The following ALPK2 variants were observed in gnomAD, a reference collection of about 807,000 sequenced individuals.
The protein encoded by ALPK2 is alpha kinase 2.
A neutral mutation model predicts 163.1 loss-of-function variants in ALPK2; 127 were observed. That is an observed-to-expected ratio of 0.78 (90% CI 0.67 to 0.90). ALPK2 has a LOEUF of 0.90. ALPK2 is among the 40% of genes least tolerant of loss of function. The pLI is 0.00. For synonymous variants in ALPK2, 953 were observed against 959.1 expected (o/e 0.99, Z 0.12); for missense variants, 2,360 against 2,589.6 (o/e 0.91, Z 1.92).
rs377347769 is a variant in ALPK2 at position 58,580,167 on chromosome 18, A to G, written c.609T>C (p.Tyr203=). The G allele has an allele frequency of 2.4e-5, 39 of 1,614,270 alleles. No individual in the cohort carries two copies. The highest frequency in any genetic ancestry group is 3.3e-4 in the Middle Eastern group (2 of 6,062). Residue 203 remains tyrosine (Y), a synonymous_variant, in exon 4 of 13, where the codon TAT becomes TAC. Coordinates refer to ENST00000361673, the MANE Select transcript of ALPK2 (RefSeq NM_052947.4). ...CAATTTCTTCTGTGTTACTTGGATCATAAGCCTCTCCAGTGTGCCTTGTTC... is the reference window on the plus strand; with the variant it reads ...CAATTTCTTCTGTGTTACTTGGATCGTAAGCCTCTCCAGTGTGCCTTGTTC... ...VKGTRHTGEA[Y]DPSNTEEIAN... is the part of the protein sequence containing the mutation.
chr18:58,546,768 A>C (rs1481023289), intron 4 of ALPK2, among the ~76,000 whole-genome samples: 1 of 152,164 alleles, frequency 6.6e-6, no homozygotes, highest in Non-Finnish European at 1.5e-5. Flanking sequence ...GTTTTCCTGC[A>C]TAGATGATGG....
intron 8 of ALPK2, among the ~76,000 whole-genome samples, chr18:58,521,207 A>T (rs561392662): frequency 3.7e-4 from 56 of 152,338 alleles, no homozygotes; most frequent in Non-Finnish European, 6.5e-4. Flanking sequence ...TCACTGGGCT[A>T]TAGCGGTGGT....
intron 4 of ALPK2, among the ~76,000 whole-genome samples, chr18:58,569,135 G>C (rs2051871972): frequency 6.6e-6 from 1 of 152,144 alleles, no homozygotes; most frequent in Admixed American, 6.5e-5. Flanking sequence ...GATCACCTGA[G>C]GTCCAGGCTG....
intron 4 of ALPK2, chr18:58,544,508 C>T (rs1221349237): frequency 6.6e-6 from 1 of 152,096 alleles, no homozygotes; most frequent in Non-Finnish European, 1.5e-5. Context: ...GCTTATAATC[C>T]AGTTGAAGAG....
chr18:58,509,285 G>A (rs980815849), intron 10 of ALPK2, among the ~76,000 whole-genome samples: 10 of 151,976 alleles, frequency 6.6e-5, no homozygotes, highest in Admixed American at 2.6e-4. Flanking sequence ...GTCTATCATC[G>A]TTGGACATTT....
chr18:58,604,657 A>G (rs967966543), intron 3 of ALPK2, among the ~76,000 whole-genome samples: 27 of 152,224 alleles, frequency 1.8e-4, no homozygotes, highest in African/African-American at 6.5e-4. Context: ...GGCTCTACCA[A>G]CATTTCTTGC....
At chr18:58,514,444 C>T (rs1051913033) in intron 10 of ALPK2, among the ~76,000 whole-genome samples, 1 of 152,126 alleles carries the variant, frequency 6.6e-6, no homozygotes, top group African/African-American at 2.4e-5. Flanking sequence ...TCCAGGCTCC[C>T]CAAAATTTGC....
At chr18:58,512,744 G>GTAT (rs2051497392) in intron 10 of ALPK2, among the ~76,000 whole-genome samples, 1 of 66,116 alleles carries the variant, frequency 1.5e-5, no homozygotes, top group Admixed American at 1.7e-4. Context: ...TGTGTTATGT[G>GTAT]GTGTGTGTTG....
At position 58,537,501 on chromosome 18, in the gene ALPK2, A is replaced by C. The variant is rs1034285535; in HGVS notation, c.2686T>G (p.Leu896Val). ...TCACTAGCTGTGTGTGAAATGTTCA[A>C]GGTGAAAGTACTGGTAAAAAGAGGG... ...MSPLFTSTFT[L>V]NISHTASEGA... The change falls in exon 5 of 13, where the codon TTG becomes GTG. Residue 896 changes from leucine to valine, a missense_variant. Coordinates refer to ENST00000361673, the MANE Select transcript of ALPK2 (RefSeq NM_052947.4). The C allele has an allele frequency of 1.2e-6, 2 of 1,612,190 alleles. No homozygotes were observed. The highest frequency in any genetic ancestry group is 2.7e-5 in the African/African-American group (2 of 74,862).
In ALPK2 at chr18:58,535,290, C is replaced by G. The variant is rs2051638162; in HGVS notation, c.4897G>C (p.Glu1633Gln). 1 of 1,614,172 alleles carries G rather than the reference C, an allele frequency of 6.2e-7. No individual in the cohort carries two copies. Among genetic ancestry groups the G allele is most frequent in the South Asian group, 1.1e-5 (1 of 91,084 alleles). The change falls in exon 5 of 13, where the codon GAG (glutamate) becomes CAG (glutamine). Residue 1633 changes from glutamate (E) to glutamine (Q), a missense_variant. By Grantham distance (29) the Glu-to-Gln change is conservative. Coordinates refer to ENST00000361673, the MANE Select transcript of ALPK2 (RefSeq NM_052947.4). ...ISHKMEEPKI[E>Q]VLQIGETKPP... ...TTGGTTTCCCCAATTTGAAGCACCT[C>G]TATTTTAGGTTCCTCCATTTTGTGG...
intron 3 of ALPK2, among the ~76,000 whole-genome samples, chr18:58,601,837 C>T (rs1423662313): frequency 4.6e-5 from 7 of 152,330 alleles, no homozygotes; most frequent in East Asian, 3.9e-4. Context: ...TGCTGCTCTA[C>T]GAGAGCACAC....
At chr18:58,610,805 G>T (rs1299044455) in intron 2 of ALPK2, among the ~76,000 whole-genome samples, 5 of 149,184 alleles carry the variant, frequency 3.4e-5, no homozygotes, top group Admixed American at 2.7e-4. Context: ...ATAAAAATTA[G>T]CCAGGCGAGC....
intron 12 of ALPK2, among the ~76,000 whole-genome samples, chr18:58,493,704 G>A (rs1445356342): frequency 5.3e-5 from 8 of 152,102 alleles, no homozygotes; most frequent in African/African-American, 1.2e-4. Context: ...CCAGGGTCTC[G>A]GGAATTTGGC....
At chr18:58,625,722 G>C (rs1204646252) in intron 1 of ALPK2, among the ~76,000 whole-genome samples, 1 of 152,236 alleles carries the variant, frequency 6.6e-6, no homozygotes, top group Non-Finnish European at 1.5e-5. Flanking sequence ...TGAAAATCAA[G>C]GTGGGCTGTG....
chr18:58,580,644 TA>T, intron 3 of ALPK2, 96 bp from the exon 4 acceptor site: 3 of 1,141,928 alleles, frequency 2.6e-6, no homozygotes, highest in Non-Finnish European at 3.7e-6. Flanking sequence ...ACCATCATTT[TA>T]CTGCATGTTC....
chr18:58,487,995 C>G (rs1272015666), intron 12 of ALPK2, among the ~76,000 whole-genome samples: 1 of 152,144 alleles, frequency 6.6e-6, no homozygotes, highest in Non-Finnish European at 1.5e-5. Flanking sequence ...TTCAGTAGGT[C>G]TGGAGTGGGG....
intron 4 of ALPK2, chr18:58,544,312 C>T (rs1464033424): frequency 6.6e-6 from 1 of 152,154 alleles, no homozygotes; most frequent in Non-Finnish European, 1.5e-5. Context: ...TTCCAAAGTT[C>T]TGCCTCCTAG....
rs1213765789 is a variant in ALPK2, at chr18:58,574,742, G to A, written c.1962+4072C>T. Among the ~76,000 whole-genome samples the A allele has an allele frequency of 3.3e-5, 5 of 152,214 alleles. No homozygotes were observed. In the South Asian group the frequency reaches 6.2e-4, roughly 19 times the overall value. On this transcript the variant is annotated intron_variant, in intron 4 of 12. Transcript: ENST00000361673. Reference sequence around the variant, plus strand: ...CAAAACCAGTCCCTGGTGCCAAAATGTTTGGGGACTGCTGGTTTGAAACAA... The same window carrying A: ...CAAAACCAGTCCCTGGTGCCAAAATATTTGGGGACTGCTGGTTTGAAACAA...
At chr18:58,599,307 G>A (rs1343622535) in intron 3 of ALPK2, among the ~76,000 whole-genome samples, 6 of 152,162 alleles carry the variant, frequency 3.9e-5, no homozygotes, top group Admixed American at 3.3e-4. Flanking sequence ...AGGGCTCCAG[G>A]CATGGTCTGA....
Sources: gnomAD v4.1 joint callset for allele counts (sites outside exome capture counted in the v4.1 genomes callset) on GRCh38, gnomAD v4.1.1 for gene constraint, MANE v1.5 for transcripts, NCBI Gene and HGNC (gene_info 2026-07-23, HGNC 2026-07-21) for gene names.